The following RFC3 variants were observed in gnomAD, a reference collection of about 807,000 sequenced individuals.
RFC3 encodes the protein replication factor C subunit 3, also known as A1 38 kDa subunit.
In RFC3, 41 loss-of-function variants were observed where a neutral mutation model predicts 45.1. The ratio of observed to expected loss-of-function variants is 0.91; its 90% CI spans 0.71 to 1.18. The LOEUF (loss-of-function observed/expected upper bound fraction) is 1.18, where lower values mean the gene tolerates loss of function less well. Among genes scored for constraint, RFC3 ranks in the 50% most tolerant of loss-of-function variants. The probability of loss-of-function intolerance (pLI) is 0.00; values close to 1 mark genes in which losing one functional copy is unlikely to be tolerated. For synonymous variants in RFC3, 149 were observed against 144.0 expected (o/e 1.03, Z -0.25); for missense variants, 423 against 428.1 (o/e 0.99, Z 0.10).
At chr13:33,957,377 T>C (rs2083028429) in intron 8 of RFC3, among the ~76,000 whole-genome samples, 3 of 152,202 alleles carry the variant, frequency 2.0e-5, no homozygotes, top group African/African-American at 7.2e-5. Context: ...ACCTATATTT[T>C]GTAATGTCAC....
At chr13:33,857,245 G>T (rs1328995001) in intron 8 of RFC3, among the ~76,000 whole-genome samples, 1 of 152,180 alleles carries the variant, frequency 6.6e-6, no homozygotes, top group Non-Finnish European at 1.5e-5. Context: ...TCTCATTGCG[G>T]AATCTCTGAC....
chr13:33,949,003 G>A (rs932221943), intron 8 of RFC3, among the ~76,000 whole-genome samples: 27 of 152,144 alleles, frequency 1.8e-4, no homozygotes, highest in African/African-American at 5.8e-4. Context: ...GGGACTGTTG[G>A]AAGGACATGA....
At chr13:33,823,332 C>A (rs1352074554) in intron 2 of RFC3, among the ~76,000 whole-genome samples, 2 of 152,100 alleles carry the variant, frequency 1.3e-5, no homozygotes, top group African/African-American at 4.8e-5. Context: ...GTATATGCAA[C>A]ATATGTACAG....
At chr13:33,960,719 C>G (rs1433259408) in intron 8 of RFC3, among the ~76,000 whole-genome samples, 1 of 152,190 alleles carries the variant, frequency 6.6e-6, no homozygotes, top group Non-Finnish European at 1.5e-5. Context: ...CCCACTGCCT[C>G]AATTCACACA....
intron 8 of RFC3, among the ~76,000 whole-genome samples, chr13:33,881,562 A>C (rs1417081749): frequency 6.6e-6 from 1 of 151,104 alleles, no homozygotes. Flanking sequence ...TCTCATACTC[A>C]GACCTTTACT....
At chr13:33,911,273 C>T (rs555142924) in intron 8 of RFC3, among the ~76,000 whole-genome samples, 10 of 152,148 alleles carry the variant, frequency 6.6e-5, no homozygotes, top group Non-Finnish European at 1.3e-4. Context: ...CAGCCTCCAT[C>T]ACCAGTGCAG....
chr13:33,863,974 G>C (rs1023898039), intron 8 of RFC3, among the ~76,000 whole-genome samples: 29 of 152,270 alleles, frequency 1.9e-4, no homozygotes, highest in Non-Finnish European at 1.5e-5. Context: ...TTTATAAGGA[G>C]AAGAGGTTTA....
At chr13:33,830,877 A>C in intron 6 of RFC3, 22 bp downstream of exon 6, 1 of 1,589,200 alleles carries the variant, frequency 6.3e-7, no homozygotes, top group African/African-American at 1.4e-5. Flanking sequence ...GGGTAGTTAC[A>C]TTCTAGGACT....
At chr13:33,877,618 A>G (rs987359145) in intron 8 of RFC3, among the ~76,000 whole-genome samples, 1 of 151,628 alleles carries the variant, frequency 6.6e-6, no homozygotes, top group Non-Finnish European at 1.5e-5. Flanking sequence ...TAAAAATGAA[A>G]AGCTTTTATT....
intron 4 of RFC3, among the ~76,000 whole-genome samples, chr13:33,827,062 C>G (rs1369350585): frequency 6.6e-6 from 1 of 152,146 alleles, no homozygotes; most frequent in African/African-American, 2.4e-5. Context: ...CTTTTTCATC[C>G]ATGAATATGC....
chr13:33,953,108 G>T (rs1479244795), intron 8 of RFC3, among the ~76,000 whole-genome samples: 1 of 151,962 alleles, frequency 6.6e-6, no homozygotes, highest in African/African-American at 2.4e-5. Context: ...ATATAATTTT[G>T]GGGGAAAATT....
At chr13:33,872,462 G>A (rs947514931) in intron 8 of RFC3, among the ~76,000 whole-genome samples, 3 of 152,120 alleles carry the variant, frequency 2.0e-5, no homozygotes, top group Non-Finnish European at 2.9e-5. Context: ...GGCCAGGTGC[G>A]GTGGCTCACG....
At chr13:33,874,073 T>G (rs551641371) in intron 8 of RFC3, among the ~76,000 whole-genome samples, 15 of 152,346 alleles carry the variant, frequency 9.8e-5, no homozygotes, top group Admixed American at 9.8e-4. Flanking sequence ...CATCCTACTT[T>G]GGGAATAACT....
chr13:33,899,252 C>G (rs2082623439), intron 8 of RFC3, among the ~76,000 whole-genome samples: 1 of 143,748 alleles, frequency 7.0e-6, no homozygotes, highest in Non-Finnish European at 1.5e-5. Flanking sequence ...AGGCCAATAT[C>G]CCTGATGAAC....
chr13:33,833,706 C>T (rs1023805245), intron 7 of RFC3, among the ~76,000 whole-genome samples: 6 of 152,050 alleles, frequency 3.9e-5, no homozygotes, highest in Non-Finnish European at 7.4e-5. Context: ...AAAATAATTT[C>T]ATACCATATG....
chr13:33,851,748 A>T (rs2082278069), intron 8 of RFC3, among the ~76,000 whole-genome samples: 1 of 152,202 alleles, frequency 6.6e-6, no homozygotes, highest in African/African-American at 2.4e-5. Context: ...GTGTAAGGTC[A>T]TTCTTAAAGC....
At chr13:33,926,901 G>A (rs922372637) in intron 8 of RFC3, among the ~76,000 whole-genome samples, 5 of 150,870 alleles carry the variant, frequency 3.3e-5, no homozygotes, top group Admixed American at 6.6e-5. Flanking sequence ...ATTCTGAGAG[G>A]AAATGATTAT....
At chr13:33,912,939 G>T (rs147758997) in intron 8 of RFC3, among the ~76,000 whole-genome samples, 1 of 152,030 alleles carries the variant, frequency 6.6e-6, no homozygotes, top group Admixed American at 6.6e-5. Context: ...AGAAATCATA[G>T]ATAAATTGCA....
chr13:33,946,234 C>T (rs951342491), intron 8 of RFC3, among the ~76,000 whole-genome samples: 17 of 152,098 alleles, frequency 1.1e-4, no homozygotes, highest in Non-Finnish European at 2.5e-4. Flanking sequence ...CTGTTTTTTC[C>T]TTCCATCGTT....
Sources: gnomAD v4.1 joint callset for allele counts (sites outside exome capture counted in the v4.1 genomes callset) on GRCh38, gnomAD v4.1.1 for gene constraint, MANE v1.5 for transcripts, NCBI Gene and HGNC (gene_info 2026-07-23, HGNC 2026-07-21) for gene names.